DNAJC17: variants seen among roughly 807,000 people sequenced by gnomAD.
DNAJC17 encodes DnaJ heat shock protein family (Hsp40) member C17, also known as dnaJ homolog subfamily C member 17.
Under a neutral mutation model 48.1 loss-of-function variants are expected in DNAJC17, and 35 were observed. That is an observed-to-expected ratio of 0.73 (90% CI 0.56 to 0.96). DNAJC17 has a LOEUF of 0.96. Ranked by LOEUF, DNAJC17 falls within the 50% of genes least tolerant of loss-of-function variation. The pLI is 0.00. For missense variants in DNAJC17, 355 were observed against 377.1 expected, an observed-to-expected ratio of 0.94 and a Z score of 0.48; for synonymous variants, 117 against 142.7, an observed-to-expected ratio of 0.82 and a Z score of 1.28.
intron 1 of DNAJC17, among the ~76,000 whole-genome samples, chr15:40,786,307 C>T (rs781007075): frequency 6.6e-6 from 1 of 152,178 alleles, no homozygotes; most frequent in Non-Finnish European, 1.5e-5. Context: ...AATCTTACTC[C>T]TTATGATATA....
At position 40,800,008 on chromosome 15, in the gene DNAJC17, G is replaced by A. The variant is rs1278914530; in HGVS notation, c.78+7361C>T. 3.3e-5 allele frequency among the ~76,000 whole-genome samples: 5 copies of A among 151,560 alleles called. No homozygotes were observed. The East Asian group carries it at 7.7e-4, about 23-fold the overall frequency. On this transcript the variant is annotated intron_variant, in intron 1 of 10. Coordinates refer to ENST00000220496, the MANE Select transcript of DNAJC17 (RefSeq NM_018163.3). ...ATCACACCAGGGTTTTTTTTTTGTT[G>A]TTGTTGTTGTTTTTGTCTTCATAAT...
chr15:40,779,891 G>A, intron 2 of DNAJC17, 37 bp downstream of exon 2: 1 of 1,601,324 alleles, frequency 6.2e-7, no homozygotes, highest in Non-Finnish European at 8.5e-7. Flanking sequence ...CCGGGTGAGT[G>A]GGTTTCTTTC....
chr15:40,776,006 C>G (rs1027759515), intron 6 of DNAJC17, among the ~76,000 whole-genome samples, 190 bp downstream of exon 6: 4 of 152,120 alleles, frequency 2.6e-5, no homozygotes, highest in African/African-American at 9.7e-5. Flanking sequence ...GAGTAAAAAG[C>G]AAATAGGCCC....
intron 1 of DNAJC17, among the ~76,000 whole-genome samples, chr15:40,799,118 G>A (rs1369386719): frequency 5.9e-5 from 9 of 151,644 alleles, no homozygotes; most frequent in Non-Finnish European, 1.0e-4. Flanking sequence ...CCAGCTACTC[G>A]GGAGACTGAG....
chr15:40,789,090 G>A (rs559843267), intron 1 of DNAJC17, among the ~76,000 whole-genome samples: 1 of 152,234 alleles, frequency 6.6e-6, no homozygotes, highest in South Asian at 2.1e-4. Flanking sequence ...GGGCCTGCTG[G>A]TGGTACCAAG....
intron 1 of DNAJC17, among the ~76,000 whole-genome samples, chr15:40,787,375 G>A (rs537615198): frequency 6.6e-6 from 1 of 152,214 alleles, no homozygotes; most frequent in Non-Finnish European, 1.5e-5. Flanking sequence ...AAACACAATC[G>A]GAAACCTCAA....
intron 5 of DNAJC17, 110 bp downstream of exon 5, chr15:40,776,432 C>A: frequency 1.4e-6 from 2 of 1,478,506 alleles, no homozygotes; most frequent in Non-Finnish European, 1.9e-6. Flanking sequence ...CCAGCTCCCA[C>A]TGAAGGTGCA....
chr15:40,780,422 C>T (rs527895750), intron 1 of DNAJC17: 29 of 433,628 alleles, frequency 6.7e-5, no homozygotes, highest in African/African-American at 5.9e-4. Flanking sequence ...GGAATCTGGA[C>T]TTGTAGAAGT....
intron 1 of DNAJC17, among the ~76,000 whole-genome samples, chr15:40,803,754 G>GC (rs1468634460): frequency 6.9e-5 from 10 of 145,198 alleles, no homozygotes; most frequent in East Asian, 3.9e-4. Context: ...CGTGAATCTT[G>GC]CCCCCCCATT....
chr15:40,773,902 C>T (rs956252848), intron 9 of DNAJC17, 65 bp from the exon 10 acceptor site: 3 of 1,396,622 alleles, frequency 2.1e-6, no homozygotes, highest in African/African-American at 1.4e-5. Context: ...CTCTCTCTAC[C>T]CCCACAGAGA....
rs568578472 is a variant in DNAJC17 at position 40,788,170 on chromosome 15, G to C, written c.79-8173C>G. Among the ~76,000 whole-genome samples the C allele has an allele frequency of 2.0e-5, 3 of 152,326 alleles. No individual in the cohort carries two copies. The South Asian group carries it at 6.2e-4, about 32-fold the overall frequency. ...ACGTCTCCCCAAGCCCGGAGAGGCAGATGCCTCCCCATCCCCTCACTAGCA... is the reference window on the plus strand; with the variant it reads ...ACGTCTCCCCAAGCCCGGAGAGGCACATGCCTCCCCATCCCCTCACTAGCA... On this transcript the variant is annotated intron_variant, in intron 1 of 10. Transcript: ENST00000220496.
Position 40,770,706 on chromosome 15 carries a change from C to G in DNAJC17, c.793-2644G>C. The G allele has an allele frequency of 1.3e-6, 2 of 1,547,132 alleles. No individual in the cohort carries two copies. The highest frequency in any genetic ancestry group is 1.2e-5 in the South Asian group (1 of 84,046). On this transcript the variant is annotated intron_variant, in intron 10 of 10. Transcript: ENST00000220496. The surrounding 1 kb of genome is among the most constrained non-coding windows in gnomAD (Gnocchi z 5.0). ...GCGCCTGCCACTGTGGGGGGACGAG[C>G]AGCCCCGGGCCACCCTGCTGGCCCC...
At chr15:40,779,138 G>A in intron 4 of DNAJC17, 85 bp downstream of exon 4, 1 of 1,370,958 alleles carries the variant, frequency 7.3e-7, no homozygotes. Context: ...GAGATGAGTT[G>A]CTGGAAGTGA....
intron 10 of DNAJC17, chr15:40,771,112 C>A: frequency 8.1e-7 from 1 of 1,239,404 alleles, no homozygotes; most frequent in Non-Finnish European, 1.1e-6. Flanking sequence ...CCAGGCCCAT[C>A]GCTGGAGGGT....
chr15:40,780,175 G>A (rs1243224575), intron 1 of DNAJC17, 178 bp from the exon 2 acceptor site: 1 of 697,004 alleles, frequency 1.4e-6, no homozygotes, highest in African/African-American at 1.7e-5. Context: ...GAGGGAGTGA[G>A]CCACTGTCGC....
In DNAJC17 at chr15:40,767,291, G is replaced by C. The variant is rs950242373; in HGVS notation, c.*649C>G. The C allele has an allele frequency of 2.5e-6, 4 of 1,604,188 alleles. No homozygotes were observed. The highest frequency in any genetic ancestry group is 3.4e-6 in the Non-Finnish European group (4 of 1,175,610). The stretch of plus-strand genomic sequence containing the variant: ...GACAAGCTGGAACGCAGGGGCTTCC[G>C]TGTGCTGAGCATGACGGGGGTGGGC... On this transcript the variant is annotated 3_prime_UTR_variant, in exon 11 of 11. Coordinates refer to ENST00000220496, the MANE Select transcript of DNAJC17 (RefSeq NM_018163.3).
At chr15:40,806,942 T>G in intron 1 of DNAJC17, 1 of 296,708 alleles carries the variant, frequency 3.4e-6, no homozygotes, top group Non-Finnish European at 6.4e-6. Context: ...TGGAGAGGCT[T>G]TGAGATCTTA....
rs527957641 is a variant in DNAJC17, at chr15:40,767,402, G to A, written c.*538C>T. 4 of 1,528,026 alleles carry A rather than the reference G, an allele frequency of 2.6e-6. No homozygotes were observed. The highest frequency in any genetic ancestry group is 1.4e-5 in the African/African-American group (1 of 69,940). The allele number at this position is 1,528,026 out of a possible 1,614,324, so 94.7% of individuals were successfully genotyped here. A position where few individuals can be genotyped will look rare whatever the true frequency, so the allele number is the denominator to read the frequency against. ...CACCCCTGTGGAGGGGCTGCTGTGG[G>A]CCCTGACCTCCAAGCTCCTGCCTCA... On this transcript the variant is annotated 3_prime_UTR_variant, in exon 11 of 11. Transcript: ENST00000220496.
intron 1 of DNAJC17, among the ~76,000 whole-genome samples, chr15:40,784,905 T>C (rs1889600455): frequency 6.6e-6 from 1 of 152,052 alleles, no homozygotes; most frequent in Admixed American, 6.6e-5. Flanking sequence ...GGAGACCAGC[T>C]TGGCCAACAT....
Sources: gnomAD v4.1 joint callset for allele counts (sites outside exome capture counted in the v4.1 genomes callset) on GRCh38, gnomAD v4.1.1 for gene constraint, Gnocchi (gnomAD v3.1) non-coding constraint, MANE v1.5 for transcripts, NCBI Gene and HGNC (gene_info 2026-07-23, HGNC 2026-07-21) for gene names.